The following TAF4 variants were observed in gnomAD, a reference collection of about 807,000 sequenced individuals.
The protein encoded by TAF4 is TATA-box binding protein associated factor 4, also known as transcription initiation factor TFIID subunit 4.
In TAF4, 9 loss-of-function variants were observed where a neutral mutation model predicts 90.3. The observed-to-expected ratio is 0.10, with a 90% confidence interval of 0.06 to 0.17. The LOEUF is 0.17. TAF4 is among the 10% of genes least tolerant of loss of function. TAF4 has a pLI of 1.00. For missense variants in TAF4, 1,351 were observed against 1,370.7 expected, an observed-to-expected ratio of 0.99 and a Z score of 0.23; for synonymous variants, 818 against 638.9, an observed-to-expected ratio of 1.28 and a Z score of -4.23.
At chr20:62,041,373 AC>A (rs2055962946) in intron 1 of TAF4, among the ~76,000 whole-genome samples, 1 of 152,222 alleles carries the variant, frequency 6.6e-6, no homozygotes. Context: ...GCCACGCCTC[AC>A]ATCATGATGC....
At chr20:61,987,072 C>T (rs992295367) in intron 14 of TAF4, among the ~76,000 whole-genome samples, 8 of 152,200 alleles carry the variant, frequency 5.3e-5, no homozygotes, top group Non-Finnish European at 8.8e-5. Flanking sequence ...AACCAAGCTT[C>T]AAAGTCAGCA....
intron 9 of TAF4, among the ~76,000 whole-genome samples, chr20:62,001,076 C>G (rs185605389): frequency 6.6e-6 from 1 of 152,206 alleles, no homozygotes; most frequent in African/African-American, 2.4e-5. Flanking sequence ...GCATTAAATT[C>G]TTTTTAAAGG....
At chr20:62,049,219 C>A (rs2056012329) in intron 1 of TAF4, among the ~76,000 whole-genome samples, 1 of 152,130 alleles carries the variant, frequency 6.6e-6, no homozygotes, top group Non-Finnish European at 1.5e-5. Context: ...TCCCCACCAT[C>A]AGGATGTGCC....
intron 5 of TAF4, 107 bp from the exon 6 acceptor site, chr20:62,007,743 T>C (rs893246756): frequency 2.8e-6 from 3 of 1,077,080 alleles, no homozygotes; most frequent in African/African-American, 1.6e-5. Context: ...CCGCCCCGAG[T>C]TTCACTGGAC....
At chr20:62,059,324 A>C (rs751089848) in intron 1 of TAF4, among the ~76,000 whole-genome samples, 1 of 152,242 alleles carries the variant, frequency 6.6e-6, no homozygotes, top group Non-Finnish European at 1.5e-5. Context: ...CGAAAGCTGT[A>C]CATCTTTGGT....
At chr20:61,979,796 G>A (rs556298271) in intron 14 of TAF4, among the ~76,000 whole-genome samples, 2 of 147,932 alleles carry the variant, frequency 1.4e-5, no homozygotes, top group Admixed American at 1.3e-4. Context: ...ACTGCGGCAT[G>A]TGCAGGCGCC....
chr20:62,031,191 C>G (rs561795994), intron 1 of TAF4, among the ~76,000 whole-genome samples: 44 of 152,186 alleles, frequency 2.9e-4, no homozygotes, highest in Non-Finnish European at 4.9e-4. Flanking sequence ...CCTCATGTGA[C>G]TTCACTGACT....
intron 5 of TAF4, among the ~76,000 whole-genome samples, chr20:62,008,614 G>T (rs532061804): frequency 2.7e-4 from 41 of 152,276 alleles, no homozygotes; most frequent in African/African-American, 9.9e-4. Context: ...GCTCCATGGG[G>T]AGGGGGCTTC....
At chr20:62,033,339 G>T (rs968469437) in intron 1 of TAF4, among the ~76,000 whole-genome samples, 6 of 152,224 alleles carry the variant, frequency 3.9e-5, no homozygotes, top group Admixed American at 2.0e-4. Flanking sequence ...GCCCTGGTGG[G>T]TTTTAAATAA....
intron 6 of TAF4, among the ~76,000 whole-genome samples, 168 bp downstream of exon 6, chr20:62,007,379 A>C (rs1343532742): frequency 6.6e-6 from 1 of 152,174 alleles, no homozygotes; most frequent in Non-Finnish European, 1.5e-5. Context: ...CAGAAAAAAA[A>C]CTAACATTCT....
At position 62,064,584 on chromosome 20, in the gene TAF4, G is replaced by T. The variant is rs777852255; in HGVS notation, c.1227C>A (p.Thr409=). 1.7e-5 allele frequency: 26 copies of T among 1,499,714 alleles called. No homozygotes were observed. Among genetic ancestry groups the T allele is most frequent in the Non-Finnish European group, 2.2e-5 (25 of 1,129,838 alleles). The allele number at this position is 1,499,714 out of a possible 1,614,324, so 92.9% of individuals were successfully genotyped here. ...CCGTGGGCGTCCGGGACAGGCTCTG[G>T]GTCACTGCGCCGGCCGCGCCTTTGG... ...GLPKGAAGAV[T]QSLSRTPTAT... Residue 409 remains threonine (T), a synonymous_variant, in exon 1 of 15, where the codon ACC becomes ACA. Coordinates refer to ENST00000252996, the MANE Select transcript of TAF4 (RefSeq NM_003185.4).
intron 5 of TAF4, 35 bp downstream of exon 5, chr20:62,009,017 T>C: frequency 6.2e-7 from 1 of 1,603,518 alleles, no homozygotes; most frequent in Non-Finnish European, 8.5e-7. Flanking sequence ...CAACAGGCTT[T>C]AGGGGAAAGG....
At chr20:62,036,165 A>G (rs1428441848) in intron 1 of TAF4, among the ~76,000 whole-genome samples, 2 of 152,254 alleles carry the variant, frequency 1.3e-5, no homozygotes, top group Admixed American at 6.5e-5. Context: ...CTGGGATTAC[A>G]GGTACCCGCC....
intron 11 of TAF4, among the ~76,000 whole-genome samples, chr20:61,999,476 C>G (rs28382111): frequency 6.6e-6 from 1 of 152,364 alleles, no homozygotes; most frequent in Non-Finnish European, 1.5e-5. Context: ...CACTGCCTCC[C>G]GGCTGTGGCA....
At position 62,034,045 on chromosome 20, in the gene TAF4, A is replaced by G. The variant is rs192052615; in HGVS notation, c.1361-19338T>C. On this transcript the variant is annotated intron_variant, in intron 1 of 14. Transcript: ENST00000252996. ...CGACAGAGCAAGACTCTGTCTCCAA[A>G]AAAAAAAAAAAGAAAATGAGTGGGA... Among the ~76,000 whole-genome samples, 1,032 of 151,086 alleles carry G rather than the reference A, an allele frequency of 6.8e-3. 14 individuals are homozygous for G. The highest frequency in any genetic ancestry group is 0.024 in the African/African-American group (974 of 41,374).
At chr20:62,031,299 G>A (rs2055902950) in intron 1 of TAF4, among the ~76,000 whole-genome samples, 1 of 152,198 alleles carries the variant, frequency 6.6e-6, no homozygotes, top group Non-Finnish European at 1.5e-5. Flanking sequence ...CACACCTTGA[G>A]GCCCAGCATG....
At position 61,975,689 on chromosome 20, in the gene TAF4, T is replaced by C. The variant is rs992055592; in HGVS notation, c.*479A>G. 1 of 34,316 alleles carries C rather than the reference T, an allele frequency of 2.9e-5. No individual in the cohort carries two copies. The highest frequency in any genetic ancestry group is 5.8e-5 in the Non-Finnish European group (1 of 17,288). 2.1% of individuals were successfully genotyped at this position (34,316 alleles called of 1,614,324 possible). On this transcript the variant is annotated 3_prime_UTR_variant, in exon 15 of 15. Coordinates refer to ENST00000252996, the MANE Select transcript of TAF4 (RefSeq NM_003185.4). ...GCAGGGGGCAGAGAGGAGAGCGGGG[T>C]GGGAGGGGAAGGGAAGGAAGATAAA...
intron 1 of TAF4, among the ~76,000 whole-genome samples, chr20:62,038,697 T>C (rs1483851529): frequency 6.6e-6 from 1 of 152,208 alleles, no homozygotes. Flanking sequence ...GAACACTCGA[T>C]ATTGCTAAGA....
chr20:62,007,713 C>G, intron 5 of TAF4, 77 bp from the exon 6 acceptor site: 2 of 1,405,100 alleles, frequency 1.4e-6, no homozygotes, highest in Non-Finnish European at 2.0e-6. Context: ...TCACTCTGGT[C>G]TCGTATTTTA....
Sources: allele counts gnomAD v4.1 joint callset (sites outside exome capture counted in the v4.1 genomes callset), GRCh38; gene constraint gnomAD v4.1.1; transcripts MANE v1.5; gene names NCBI Gene and HGNC (gene_info 2026-07-23, HGNC 2026-07-21).